SLIT3: variants seen among roughly 807,000 people sequenced by gnomAD.
The protein encoded by SLIT3 is slit guidance ligand 3, also known as slit homolog 3 protein.
A neutral mutation model predicts 184.0 loss-of-function variants in SLIT3; 68 were observed. The ratio of observed to expected loss-of-function variants is 0.37; its 90% CI spans 0.30 to 0.45. The LOEUF (loss-of-function observed/expected upper bound fraction) is 0.45. SLIT3 is among the 20% of genes least tolerant of loss of function. SLIT3 has a pLI of 1.00. For missense variants in SLIT3, 1,707 were observed against 2,026.0 expected (o/e 0.84, Z 3.02); for synonymous variants, 831 against 828.6 (o/e 1.00, Z -0.05).
At chr5:168,783,088 G>A (rs1272623443) in intron 12 of SLIT3, among the ~76,000 whole-genome samples, 1 of 152,190 alleles carries the variant, frequency 6.6e-6, no homozygotes, top group Non-Finnish European at 1.5e-5. Flanking sequence ...GTGAGAGCGT[G>A]CATGAGAGGG....
At chr5:168,702,401 G>T (rs1446346798) in intron 26 of SLIT3, among the ~76,000 whole-genome samples, 1 of 152,152 alleles carries the variant, frequency 6.6e-6, no homozygotes, top group Non-Finnish European at 1.5e-5. Context: ...GGAGCAAGCA[G>T]CTGAACCCAG....
chr5:168,712,230 C>CT (rs1417614366), intron 24 of SLIT3, 53 bp downstream of exon 24: 4 of 1,504,876 alleles, frequency 2.7e-6, no homozygotes, highest in African/African-American at 2.8e-5. Context: ...GTCGCTGACA[C>CT]TTTCATGCTT....
intron 5 of SLIT3, among the ~76,000 whole-genome samples, chr5:168,866,782 C>G (rs1192807360): frequency 2.6e-5 from 4 of 152,176 alleles, no homozygotes; most frequent in Non-Finnish European, 4.4e-5. Flanking sequence ...TCCCACCAAC[C>G]CCACTGGGTT....
intron 4 of SLIT3, among the ~76,000 whole-genome samples, chr5:169,063,303 C>A (rs1473565809): frequency 1.3e-5 from 2 of 152,192 alleles, no homozygotes; most frequent in Non-Finnish European, 2.9e-5. Flanking sequence ...CAGGCTTGCC[C>A]CTTGATAGCC....
chr5:168,814,271 C>T (rs1015308926), intron 8 of SLIT3, among the ~76,000 whole-genome samples: 2 of 152,072 alleles, frequency 1.3e-5, no homozygotes, highest in African/African-American at 2.4e-5. Context: ...GTGGTAGGTG[C>T]CTGTAATCCA....
At chr5:169,118,333 C>T (rs901801161) in intron 4 of SLIT3, among the ~76,000 whole-genome samples, 1 of 152,074 alleles carries the variant, frequency 6.6e-6, no homozygotes, top group African/African-American at 2.4e-5. Context: ...CATGTGTGTG[C>T]TGGGGGTGGA....
At chr5:168,982,845 T>A (rs1397406648) in intron 4 of SLIT3, among the ~76,000 whole-genome samples, 1 of 152,184 alleles carries the variant, frequency 6.6e-6, no homozygotes, top group African/African-American at 2.4e-5. Context: ...ACTAAACTGA[T>A]GGAGGGTTAA....
rs530807728 is a variant in SLIT3, at chr5:169,142,519, T to C, written c.413+50960A>G. ...CACAGTGAAATAGCAAAGCAGTTCATTAGCTCTAAGACTGAGAGTATAAAC... is the reference window on the plus strand; with the variant it reads ...CACAGTGAAATAGCAAAGCAGTTCACTAGCTCTAAGACTGAGAGTATAAAC... On this transcript the variant is annotated intron_variant, in intron 4 of 35. Transcript: ENST00000519560. Among the ~76,000 whole-genome samples the C allele has an allele frequency of 8.5e-5, 13 of 152,320 alleles. No individual in the cohort carries two copies. The South Asian group carries it at 2.5e-3, about 29-fold the overall frequency.
intron 5 of SLIT3, among the ~76,000 whole-genome samples, chr5:168,853,610 G>A (rs1758754458): frequency 1.3e-5 from 2 of 152,228 alleles, no homozygotes; most frequent in Middle Eastern, 6.8e-3. Context: ...CCTTTTAAGT[G>A]TCTTATGCCA....
At chr5:168,705,822 A>C (rs1298588520) in intron 26 of SLIT3, among the ~76,000 whole-genome samples, 1 of 152,152 alleles carries the variant, frequency 6.6e-6, no homozygotes, top group Admixed American at 6.5e-5. Context: ...CTACTTTCAG[A>C]CTCAGGCCAG....
At chr5:169,169,704 T>C (rs145326843) in intron 4 of SLIT3, among the ~76,000 whole-genome samples, 217 of 152,298 alleles carry the variant, frequency 1.4e-3, no homozygotes, top group African/African-American at 4.8e-3. Flanking sequence ...CCAGCAACAG[T>C]ATAACTAAGA....
intron 4 of SLIT3, among the ~76,000 whole-genome samples, chr5:168,982,981 C>T (rs1246399951): frequency 6.6e-6 from 1 of 152,122 alleles, no homozygotes; most frequent in Admixed American, 6.5e-5. Context: ...CTTGTAATTT[C>T]ACTGAAACAT....
chr5:168,789,782 G>C, intron 10 of SLIT3, 151 bp from the exon 11 acceptor site: 1 of 614,412 alleles, frequency 1.6e-6, no homozygotes, highest in Non-Finnish European at 2.9e-6. Context: ...AAGAGAAGGA[G>C]CTTAAAGAGC....
rs770551600 is a variant in SLIT3 at position 168,757,596 on chromosome 5, G to C, written c.1685+3266C>G. Among the ~76,000 whole-genome samples, 38 of 152,250 alleles carry C rather than the reference G, an allele frequency of 2.5e-4. No homozygotes were observed. In the Middle Eastern group the frequency reaches 0.01, roughly 41 times the overall value. On this transcript the variant is annotated intron_variant, in intron 16 of 35. Transcript: ENST00000519560. ...CTACAGGCGCCTGCCATTGCGCCCG[G>C]CTAATTTTTTTTGTATTTTTAGTAG...
In SLIT3 at chr5:169,283,734, C is replaced by T. The variant is rs758955612; in HGVS notation, c.197+16779G>A. Among the ~76,000 whole-genome samples, 64 of 152,198 alleles carry T rather than the reference C, an allele frequency of 4.2e-4. 1 individual carries two copies. Among genetic ancestry groups the T allele is most frequent in the Admixed American group, 2.0e-4 (3 of 15,288 alleles). Reference sequence around the variant, plus strand: ...CCAAAGGTTCATCCAATCAAAATCACTAATACAGACAAGGATCATTCAGAA... The same window carrying T: ...CCAAAGGTTCATCCAATCAAAATCATTAATACAGACAAGGATCATTCAGAA... On this transcript the variant is annotated intron_variant, in intron 1 of 35. Transcript: ENST00000519560.
chr5:168,672,252 GCA>G (rs1170924062), intron 33 of SLIT3, among the ~76,000 whole-genome samples: 6 of 152,060 alleles, frequency 3.9e-5, no homozygotes, highest in African/African-American at 1.4e-4. Context: ...GCTGCCCTCG[GCA>G]CAGAGCTTTC....
At chr5:169,034,268 T>C (rs1757148160) in intron 4 of SLIT3, among the ~76,000 whole-genome samples, 1 of 152,216 alleles carries the variant, frequency 6.6e-6, no homozygotes, top group African/African-American at 2.4e-5. Flanking sequence ...ATTTATTTGC[T>C]TTTGCTTTTG....
intron 23 of SLIT3, among the ~76,000 whole-genome samples, chr5:168,714,730 G>A (rs572121773): frequency 6.6e-6 from 1 of 152,314 alleles, no homozygotes; most frequent in Admixed American, 6.5e-5. Context: ...CCTAAAGGAT[G>A]CTAGAGAAGT....
At chr5:169,198,671 T>C (rs909104993) in intron 3 of SLIT3, among the ~76,000 whole-genome samples, 7 of 152,234 alleles carry the variant, frequency 4.6e-5, no homozygotes, top group Non-Finnish European at 8.8e-5. Context: ...TGGTGGCTCA[T>C]GCCTGTAATC....
Sources: gnomAD v4.1 joint callset for allele counts (sites outside exome capture counted in the v4.1 genomes callset) on GRCh38, gnomAD v4.1.1 for gene constraint, MANE v1.5 for transcripts, NCBI Gene and HGNC (gene_info 2026-07-23, HGNC 2026-07-21) for gene names.